DOCK4: variants seen among roughly 807,000 people sequenced by gnomAD.
The protein encoded by DOCK4 is dedicator of cytokinesis 4.
DOCK4 carries 97 observed loss-of-function variants against 268.1 expected under a neutral mutation model. The observed-to-expected ratio is 0.36, with a 90% CI of 0.31 to 0.43. The LOEUF is 0.43. Among genes scored for constraint, DOCK4 ranks in the 20% least tolerant of loss-of-function variants. DOCK4 has a pLI of 1.00. For missense variants in DOCK4, 2,145 were observed against 2,455.7 expected (o/e 0.87, Z 2.67); for synonymous variants, 954 against 887.2 (o/e 1.08, Z -1.34).
intron 15 of DOCK4, among the ~76,000 whole-genome samples, chr7:111,899,990 C>G (rs1045613601): frequency 6.6e-6 from 1 of 152,202 alleles, no homozygotes; most frequent in Non-Finnish European, 1.5e-5. Context: ...CTTTTTCCAG[C>G]TGACATTATT....
intron 1 of DOCK4, among the ~76,000 whole-genome samples, chr7:112,013,326 T>A (rs557223769): frequency 6.6e-6 from 1 of 152,236 alleles, no homozygotes; most frequent in Non-Finnish European, 1.5e-5. Context: ...CTCCCCCTTT[T>A]GCTCTGATGA....
intron 23 of DOCK4, among the ~76,000 whole-genome samples, chr7:111,853,138 A>C (rs1563593566): frequency 6.6e-6 from 1 of 152,206 alleles, no homozygotes; most frequent in South Asian, 2.1e-4. Flanking sequence ...GAACAAGGGA[A>C]GCTGGGTAGA....
chr7:112,172,258 T>C (rs1818153112), intron 1 of DOCK4, among the ~76,000 whole-genome samples: 1 of 152,216 alleles, frequency 6.6e-6, no homozygotes, highest in Admixed American at 6.5e-5. Flanking sequence ...CCTAGAAGGC[T>C]AACAATTATT....
chr7:111,831,851 C>T (rs1802836719), intron 26 of DOCK4, among the ~76,000 whole-genome samples: 1 of 152,122 alleles, frequency 6.6e-6, no homozygotes, highest in African/African-American at 2.4e-5. Flanking sequence ...TCTTATCTCT[C>T]CCTTCTTAAA....
intron 15 of DOCK4, among the ~76,000 whole-genome samples, chr7:111,899,823 C>T (rs954475969): frequency 6.6e-6 from 1 of 152,182 alleles, no homozygotes; most frequent in Non-Finnish European, 1.5e-5. Flanking sequence ...ACTCAGGAGG[C>T]TGAGACAGGA....
At position 112,058,057 on chromosome 7, in the gene DOCK4, A is replaced by G. The variant is rs183020905; in HGVS notation, c.38-53926T>C. On this transcript the variant is annotated intron_variant, in intron 1 of 52. Coordinates refer to ENST00000428084, the MANE Select transcript of DOCK4 (RefSeq NM_001363540.2). ...TTTTTTTTTTTTTTTTTTTACTAGTAGAGTTTCACTAATATAGAAGAAACT... is the reference window on the plus strand; with the variant it reads ...TTTTTTTTTTTTTTTTTTTACTAGTGGAGTTTCACTAATATAGAAGAAACT... 1.2e-3 allele frequency among the ~76,000 whole-genome samples: 153 copies of G among 122,916 alleles called. 2 individuals are homozygous for G. The highest frequency in any genetic ancestry group is 4.7e-3 in the African/African-American group (149 of 31,826). The allele number at this position is 122,916 out of a possible 152,430, so 80.6% of individuals were successfully genotyped here. A position where few individuals can be genotyped will look rare whatever the true frequency, so the allele number is the denominator to read the frequency against.
chr7:111,907,807 C>T lies in DOCK4; in HGVS notation c.1193-6006G>A, dbSNP rs567616488. 4.7e-4 allele frequency among the ~76,000 whole-genome samples: 72 copies of T among 152,272 alleles called. 1 individual carries two copies. The highest frequency in any genetic ancestry group is 4.2e-3 in the Admixed American group (64 of 15,300). ...GTAATGGCATGATCTCCACTCACTG[C>T]AGCCTCAACCTGCTGGGCTCAAGCA... is the stretch of plus-strand genomic sequence containing the variant. On this transcript the variant is annotated intron_variant, in intron 13 of 52. Coordinates refer to ENST00000428084, the MANE Select transcript of DOCK4 (RefSeq NM_001363540.2).
chr7:112,161,158 A>G (rs1397866181), intron 1 of DOCK4, among the ~76,000 whole-genome samples: 1 of 152,174 alleles, frequency 6.6e-6, no homozygotes, highest in Non-Finnish European at 1.5e-5. Flanking sequence ...AATAGACCCC[A>G]TATACAAATA....
At chr7:112,173,807 A>G (rs1818279404) in intron 1 of DOCK4, among the ~76,000 whole-genome samples, 1 of 152,110 alleles carries the variant, frequency 6.6e-6, no homozygotes, top group Non-Finnish European at 1.5e-5. Context: ...GCCAGCAAGA[A>G]AGGCTACCTA....
At chr7:112,169,021 C>T (rs1345717593) in intron 1 of DOCK4, among the ~76,000 whole-genome samples, 2 of 152,192 alleles carry the variant, frequency 1.3e-5, no homozygotes, top group African/African-American at 2.4e-5. Context: ...GAACTGTAAT[C>T]CCCAATGTTG....
In DOCK4 at chr7:111,727,705, T is replaced by TAAAGA. The variant is rs1191245880; in HGVS notation, c.*564_*568dup. On this transcript the variant is annotated 3_prime_UTR_variant, in exon 53 of 53. Transcript: ENST00000428084. ...AGCAGTCAAACAGCAAAAGCAACCT[T>TAAAGA]AAAGAAGTATTTTGTTTCAAGAACA... is the stretch of plus-strand genomic sequence containing the variant. The TAAAGA allele has an allele frequency of 1.3e-5, 2 of 152,278 alleles. No homozygotes were observed. The highest frequency in any genetic ancestry group is 1.3e-4 in the Admixed American group (2 of 15,282). The allele number at this position is 152,278 out of a possible 1,614,324, so 9.4% of individuals were successfully genotyped here.
rs976396033 is a variant in DOCK4, at chr7:111,732,528, C to G, written c.5420-241G>C. On this transcript the variant is annotated intron_variant, in intron 51 of 52. Transcript: ENST00000428084. ...AAAAGTTATCATGGCATATATGATG[C>G]TTTGACTATTGACAGGTTCCCAAAC... The G allele has an allele frequency of 6.7e-5, 37 of 555,446 alleles. 1 individual carries two copies. In the South Asian group the frequency reaches 7.4e-4, roughly 11 times the overall value. The allele number at this position is 555,446 out of a possible 1,614,324, so 34.4% of individuals were successfully genotyped here. A position where few individuals can be genotyped will look rare whatever the true frequency, so the allele number is the denominator to read the frequency against.
intron 1 of DOCK4, among the ~76,000 whole-genome samples, chr7:112,109,906 GGC>G (rs1811490176): frequency 6.7e-6 from 1 of 149,272 alleles, no homozygotes; most frequent in South Asian, 2.1e-4. Context: ...CATCACGCCC[GGC>G]TAATTTTTTT....
At chr7:111,842,526 G>A (rs541905298) in intron 25 of DOCK4, among the ~76,000 whole-genome samples, 1 of 152,284 alleles carries the variant, frequency 6.6e-6, no homozygotes, top group South Asian at 2.1e-4. Flanking sequence ...CCCTCATGAG[G>A]ATGTAGTGAG....
chr7:111,942,278 G>A (rs1017043274), intron 10 of DOCK4, among the ~76,000 whole-genome samples: 4 of 152,040 alleles, frequency 2.6e-5, no homozygotes, highest in East Asian at 1.9e-4. Context: ...TAAAGAGCTG[G>A]ACTTAAATTC....
In DOCK4 at chr7:111,727,291, G is replaced by A. The variant is rs1394824683; in HGVS notation, c.*983C>T. On this transcript the variant is annotated 3_prime_UTR_variant, in exon 53 of 53. Coordinates refer to ENST00000428084, the MANE Select transcript of DOCK4 (RefSeq NM_001363540.2). The stretch of plus-strand genomic sequence containing the variant: ...GGAATTTTTTATTTTGTGCAGGACT[G>A]AAAGTTAATGCCCTTGCCTTTTATA... 1.3e-5 allele frequency: 2 copies of A among 152,602 alleles called. No individual in the cohort carries two copies. The highest frequency in any genetic ancestry group is 2.9e-5 in the Non-Finnish European group (2 of 68,024). 9.5% of individuals were successfully genotyped at this position (152,602 alleles called of 1,614,324 possible).
At chr7:112,189,749 T>TG (rs1819770605) in intron 1 of DOCK4, among the ~76,000 whole-genome samples, 3 of 124,754 alleles carry the variant, frequency 2.4e-5, no homozygotes, top group Admixed American at 7.9e-5. Context: ...GGGTTTTGTT[T>TG]TTTTTTTTTT....
chr7:111,893,274 A>C (rs547534563), intron 16 of DOCK4, among the ~76,000 whole-genome samples: 1 of 152,298 alleles, frequency 6.6e-6, no homozygotes, highest in African/African-American at 2.4e-5. Context: ...AAGCATATGC[A>C]TGTTTCTAAT....
intron 43 of DOCK4, 78 bp downstream of exon 43, chr7:111,747,178 TATGGGTACATA>T (rs1159872400): frequency 7.8e-7 from 1 of 1,281,204 alleles, no homozygotes; most frequent in Non-Finnish European, 1.1e-6. Context: ...TGCGTGCTGA[TATGGGTACATA>T]GTCTGAAAAA....
Sources: gnomAD v4.1 joint callset for allele counts (sites outside exome capture counted in the v4.1 genomes callset) on GRCh38, gnomAD v4.1.1 for gene constraint, MANE v1.5 for transcripts, NCBI Gene and HGNC (gene_info 2026-07-23, HGNC 2026-07-21) for gene names.